The following COL8A1 variants were observed in gnomAD, a reference collection of about 807,000 sequenced individuals.
COL8A1 encodes collagen alpha-1(VIII) chain.
In COL8A1, 21 loss-of-function variants were observed where a neutral mutation model predicts 42.7. That is an observed-to-expected ratio of 0.49 (90% CI 0.35 to 0.71). The LOEUF (loss-of-function observed/expected upper bound fraction) is 0.71. COL8A1 is among the 30% of genes least tolerant of loss of function. The probability of loss-of-function intolerance (pLI) is 0.01; values close to 1 mark genes in which losing one functional copy is unlikely to be tolerated. For synonymous variants in COL8A1, 367 were observed against 369.1 expected, an observed-to-expected ratio of 0.99 and a Z score of 0.06; for missense variants, 788 against 962.4, an observed-to-expected ratio of 0.82 and a Z score of 2.40.
intron 1 of COL8A1, chr3:99,675,678 A>G (rs1358012614): frequency 6.6e-6 from 1 of 152,466 alleles, no homozygotes; most frequent in East Asian, 1.9e-4. Flanking sequence ...CACGTTCACC[A>G]ACTCACCCTT....
At chr3:99,650,000 A>C (rs1309826991) in intron 1 of COL8A1, among the ~76,000 whole-genome samples, 5 of 151,190 alleles carry the variant, frequency 3.3e-5, no homozygotes, top group African/African-American at 9.7e-5. Flanking sequence ...TGGCATTATG[A>C]AATGTAGAAC....
At chr3:99,705,414 T>A (rs559223517) in intron 1 of COL8A1, among the ~76,000 whole-genome samples, 18 of 152,332 alleles carry the variant, frequency 1.2e-4, no homozygotes, top group Admixed American at 1.3e-4. Flanking sequence ...AGAAAGGTTA[T>A]TTGTATTCTT....
chr3:99,714,544 A>C (rs1291522923), intron 1 of COL8A1, among the ~76,000 whole-genome samples: 1 of 152,064 alleles, frequency 6.6e-6, no homozygotes, highest in Non-Finnish European at 1.5e-5. Context: ...TACAACTTAA[A>C]TATACTCTGC....
chr3:99,776,707 G>T (rs886534927), intron 2 of COL8A1, among the ~76,000 whole-genome samples: 12 of 152,188 alleles, frequency 7.9e-5, no homozygotes, highest in Non-Finnish European at 1.5e-5. Context: ...TAAAAGAATG[G>T]CTACTCCATA....
chr3:99,641,646 T>C (rs959085061), intron 1 of COL8A1, among the ~76,000 whole-genome samples: 5 of 152,202 alleles, frequency 3.3e-5, no homozygotes, highest in Non-Finnish European at 7.3e-5. Context: ...AATTTACTCC[T>C]TATCCATGGT....
chr3:99,786,303 T>C (rs1287035134), intron 2 of COL8A1, among the ~76,000 whole-genome samples: 2 of 152,110 alleles, frequency 1.3e-5, no homozygotes, highest in Non-Finnish European at 2.9e-5. Context: ...CCTCCGAAAG[T>C]GATGGTATTA....
At chr3:99,771,149 G>A (rs1252648212) in intron 2 of COL8A1, among the ~76,000 whole-genome samples, 1 of 152,214 alleles carries the variant, frequency 6.6e-6, no homozygotes, top group African/African-American at 2.4e-5. Flanking sequence ...AATGGAATTA[G>A]GGACAGGAAA....
chr3:99,794,120 G>A lies in COL8A1; in HGVS notation c.329-110G>A. On this transcript the variant is annotated intron_variant, in intron 3 of 3. Coordinates refer to ENST00000652472, the MANE Select transcript of COL8A1 (RefSeq NM_020351.4). The surrounding 1 kb of genome is among the most constrained non-coding windows in gnomAD (Gnocchi z 4.3). ...TTCTCTTGATAAGTATTAGGCAAAT[G>A]TGTCAGAACTAAATAATGGTTGTCA... is the stretch of plus-strand genomic sequence containing the variant. The A allele has an allele frequency of 1.5e-6, 1 of 677,396 alleles. No homozygotes were observed. Among genetic ancestry groups the A allele is most frequent in the Non-Finnish European group, 2.5e-6 (1 of 401,620 alleles). 42.0% of individuals were successfully genotyped at this position (677,396 alleles called of 1,614,324 possible).
Position 99,795,029 on chromosome 3 carries a change from G to C in COL8A1, c.1128G>C (p.Glu376Asp). 1 of 1,608,984 alleles carries C rather than the reference G, an allele frequency of 6.2e-7. No homozygotes were observed. The highest frequency in any genetic ancestry group is 1.1e-5 in the South Asian group (1 of 90,590). The change falls in exon 4 of 4, where the codon GAG becomes GAC. Residue 376 changes from glutamate to aspartate, a missense_variant. Glu to Asp is a conservative substitution (Grantham distance 45). Coordinates refer to ENST00000652472, the MANE Select transcript of COL8A1 (RefSeq NM_020351.4). Reference sequence around the variant, plus strand: ...CTGGGGCTCTTGGACCAAGAGGGGAGAAAGGACCAATAGGTGCCCCAGGAA... The same window carrying C: ...CTGGGGCTCTTGGACCAAGAGGGGACAAAGGACCAATAGGTGCCCCAGGAA... ...GVPGALGPRG[E>D]KGPIGAPGIG...
intron 2 of COL8A1, among the ~76,000 whole-genome samples, chr3:99,758,906 T>A (rs1282357682): frequency 1.3e-5 from 2 of 152,148 alleles, no homozygotes; most frequent in Non-Finnish European, 2.9e-5. Flanking sequence ...TTCTAAGCAC[T>A]CTACACATAC....
In COL8A1 at chr3:99,796,031, C is replaced by G. The variant is rs770660787; in HGVS notation, c.2130C>G (p.Pro710=). 1.1e-5 allele frequency: 17 copies of G among 1,613,408 alleles called. No individual in the cohort carries two copies. The highest frequency in any genetic ancestry group is 4.5e-5 in the East Asian group (2 of 44,884). The change falls in exon 4 of 4, where the codon CCC becomes CCG. Residue 710 remains proline, a synonymous_variant. Coordinates refer to ENST00000652472, the MANE Select transcript of COL8A1 (RefSeq NM_020351.4). The part of the protein sequence containing the change: ...ASGSAVLLLR[P]GDRVFLQMPS... Reference sequence around the variant, plus strand: ...GGAGTGCAGTGCTGCTGCTCAGGCCCGGAGACCGGGTGTTCCTCCAGATGC... The same window carrying G: ...GGAGTGCAGTGCTGCTGCTCAGGCCGGGAGACCGGGTGTTCCTCCAGATGC...
At chr3:99,747,523 C>A (rs1466351521) in intron 2 of COL8A1, among the ~76,000 whole-genome samples, 1 of 152,154 alleles carries the variant, frequency 6.6e-6, no homozygotes, top group African/African-American at 2.4e-5. Flanking sequence ...TTAATCAAGC[C>A]CACTACGGAA....
chr3:99,707,058 G>A (rs1576440670), intron 1 of COL8A1: 1 of 152,290 alleles, frequency 6.6e-6, no homozygotes, highest in East Asian at 1.9e-4. Context: ...AAGAAGATGA[G>A]TTAAATTGGA....
intron 1 of COL8A1, among the ~76,000 whole-genome samples, chr3:99,702,339 G>A (rs748091906): frequency 3.2e-4 from 49 of 152,132 alleles, no homozygotes; most frequent in Non-Finnish European, 6.0e-4. Flanking sequence ...GAAGTATGCC[G>A]AACTTAACTT....
intron 1 of COL8A1, among the ~76,000 whole-genome samples, chr3:99,650,737 A>G (rs1937818814): frequency 6.6e-6 from 1 of 152,186 alleles, no homozygotes; most frequent in African/African-American, 2.4e-5. Flanking sequence ...GCTAACACAA[A>G]TGAGGTACTG....
chr3:99,687,577 T>C (rs17777851), intron 1 of COL8A1, among the ~76,000 whole-genome samples: 15,220 of 152,204 alleles, frequency 0.1, 871 homozygotes, highest in Non-Finnish European at 0.14. Flanking sequence ...ATATATACAC[T>C]AGGTGCTGGC....
intron 1 of COL8A1, among the ~76,000 whole-genome samples, chr3:99,700,340 C>T (rs1333704131): frequency 1.3e-5 from 2 of 151,988 alleles, no homozygotes; most frequent in East Asian, 3.9e-4. Context: ...TGGTGTGCTC[C>T]GGGTTTCACA....
At chr3:99,642,842 C>T (rs1937531642) in intron 1 of COL8A1, among the ~76,000 whole-genome samples, 1 of 152,200 alleles carries the variant, frequency 6.6e-6, no homozygotes. Flanking sequence ...AAAAGCTTCA[C>T]ATTTTTCTAA....
At chr3:99,650,547 G>T (rs576809950) in intron 1 of COL8A1, among the ~76,000 whole-genome samples, 50 of 152,052 alleles carry the variant, frequency 3.3e-4, no homozygotes, top group African/African-American at 1.1e-3. Flanking sequence ...TTATTCTCCT[G>T]CCTCAGCCTC....
Sources: allele counts gnomAD v4.1 joint callset (sites outside exome capture counted in the v4.1 genomes callset), GRCh38; gene constraint gnomAD v4.1.1; non-coding constraint Gnocchi (gnomAD v3.1); transcripts MANE v1.5; gene names NCBI Gene and HGNC (gene_info 2026-07-23, HGNC 2026-07-21).